The following PCDHGA5 variants were observed in gnomAD, a reference collection of about 807,000 sequenced individuals.
The protein encoded by PCDHGA5 is protocadherin gamma-A5.
In PCDHGA5, 36 loss-of-function variants were observed where a neutral mutation model predicts 56.7. The observed-to-expected ratio is 0.64, with a 90% CI of 0.49 to 0.84. The LOEUF (loss-of-function observed/expected upper bound fraction) is 0.84. Among genes scored for constraint, PCDHGA5 ranks in the 40% least tolerant of loss-of-function variants. The probability of loss-of-function intolerance (pLI) is 0.00; values close to 1 mark genes in which losing one functional copy is unlikely to be tolerated. For synonymous variants in PCDHGA5, 563 were observed against 520.2 expected (o/e 1.08, Z -1.12); for missense variants, 1,305 against 1,201.5 (o/e 1.09, Z -1.27).
intron 1 of PCDHGA5, among the ~76,000 whole-genome samples, chr5:141,448,106 A>G (rs1308837314): frequency 1.3e-5 from 2 of 151,996 alleles, no homozygotes. Context: ...AAATTAAAAG[A>G]AAAGAAAATT....
intron 1 of PCDHGA5, chr5:141,394,949 G>A (rs761514870): frequency 1.9e-6 from 3 of 1,613,906 alleles, no homozygotes; most frequent in Non-Finnish European, 1.7e-6. Flanking sequence ...CTGTGCTTCT[G>A]GGGCTCAGGC....
At chr5:141,465,150 G>A (rs192648619) in intron 1 of PCDHGA5, among the ~76,000 whole-genome samples, 474 of 151,492 alleles carry the variant, frequency 3.1e-3, no homozygotes, top group Middle Eastern at 0.024. Context: ...GATATATGAA[G>A]GGACTCTAAA....
chr5:141,409,082 T>C (rs1332697516), intron 1 of PCDHGA5: 6 of 1,613,878 alleles, frequency 3.7e-6, no homozygotes, highest in African/African-American at 1.3e-5. Context: ...TATGTTCTCA[T>C]TGGATGAGAA....
chr5:141,491,982 T>G lies in PCDHGA5; in HGVS notation c.2422-2825T>G. On this transcript the variant is annotated intron_variant, in intron 1 of 3. Coordinates refer to ENST00000518069, the MANE Select transcript of PCDHGA5 (RefSeq NM_018918.3). This position sits in a 1 kb window ranked among gnomAD's most constrained non-coding sequence, Gnocchi z 6.9. Reference sequence around the variant, plus strand: ...AAAAGGCCGGGGCCTCCTTCGAGCTTCCGGTGAATTTCGGGCGATTTCCGC... The same window carrying G: ...AAAAGGCCGGGGCCTCCTTCGAGCTGCCGGTGAATTTCGGGCGATTTCCGC... The G allele has an allele frequency of 2.6e-6, 2 of 759,438 alleles. No homozygotes were observed. Among genetic ancestry groups the G allele is most frequent in the East Asian group, 3.2e-5 (1 of 31,728 alleles). The allele number at this position is 759,438 out of a possible 1,614,324, so 47.0% of individuals were successfully genotyped here. A position where few individuals can be genotyped will look rare whatever the true frequency, so the allele number is the denominator to read the frequency against.
intron 1 of PCDHGA5, among the ~76,000 whole-genome samples, chr5:141,451,854 C>T (rs1243479409): frequency 6.6e-6 from 1 of 152,058 alleles, no homozygotes; most frequent in Non-Finnish European, 1.5e-5. Flanking sequence ...CCACTCCAGC[C>T]TAGGCCACAG....
chr5:141,478,612 G>A (rs1311028260), intron 1 of PCDHGA5: 2 of 1,558,218 alleles, frequency 1.3e-6, no homozygotes, highest in African/African-American at 1.4e-5. Flanking sequence ...TATTGAGGAA[G>A]GAATGGAGCT....
intron 2 of PCDHGA5, among the ~76,000 whole-genome samples, chr5:141,498,112 AG>A (rs947089103): frequency 2.0e-5 from 3 of 152,232 alleles, no homozygotes; most frequent in African/African-American, 7.2e-5. Flanking sequence ...GGCGTATAAT[AG>A]GGATTTGATT....
chr5:141,452,830 T>A (rs2098749929), intron 1 of PCDHGA5, among the ~76,000 whole-genome samples: 1 of 152,166 alleles, frequency 6.6e-6, no homozygotes, highest in South Asian at 2.1e-4. Context: ...CAAAATCACT[T>A]GGTCCAGCCC....
Position 141,370,001 on chromosome 5 carries a change from T to G in PCDHGA5, c.2421+3250T>G, listed in dbSNP as rs371025652. Among the ~76,000 whole-genome samples the G allele has an allele frequency of 8.5e-5, 13 of 152,322 alleles. No homozygotes were observed. The South Asian group carries it at 2.5e-3, about 29-fold the overall frequency. On this transcript the variant is annotated intron_variant, in intron 1 of 3. Transcript: ENST00000518069. ...TGATTTGGATGGATAAAGCTCAAATTAAAAGAAATAACAGACTAAAGATAT... is the reference window on the plus strand; with the variant it reads ...TGATTTGGATGGATAAAGCTCAAATGAAAAGAAATAACAGACTAAAGATAT...
chr5:141,479,710 T>C (rs901198074), intron 1 of PCDHGA5: 1 of 152,264 alleles, frequency 6.6e-6, no homozygotes, highest in African/African-American at 2.4e-5. Flanking sequence ...GTCCCTGTCC[T>C]TCCAGCCTTA....
chr5:141,366,725 GCAAA>G lies in PCDHGA5; in HGVS notation c.2400_2403del (p.Asn800LysfsTer50), dbSNP rs1561539069. 1 of 1,613,584 alleles carries G rather than the reference GCAAA, an allele frequency of 6.2e-7. No homozygotes were observed. The highest frequency in any genetic ancestry group is 2.2e-5 in the East Asian group (1 of 44,874). ...TCTTCTGATGTCTGATAAGGTAGAT[GCAAA>G]CAAAGAAGAACGGCGAGTTCAGGTT... On this transcript the variant is annotated frameshift_variant, in exon 1 of 4. Coordinates refer to ENST00000518069, the MANE Select transcript of PCDHGA5 (RefSeq NM_018918.3). LOFTEE classifies it high-confidence loss of function.
At chr5:141,434,199 T>G (rs1406339464) in intron 1 of PCDHGA5, among the ~76,000 whole-genome samples, 1 of 151,914 alleles carries the variant, frequency 6.6e-6, no homozygotes, top group Non-Finnish European at 1.5e-5. Context: ...CCAATGTACT[T>G]ACTTCTGTCA....
chr5:141,490,811 A>G lies in PCDHGA5; in HGVS notation c.2422-3996A>G, dbSNP rs750702067. The G allele has an allele frequency of 1.2e-6, 2 of 1,613,918 alleles. No homozygotes were observed. The highest frequency in any genetic ancestry group is 8.5e-7 in the Non-Finnish European group (1 of 1,179,884). On this transcript the variant is annotated intron_variant, in intron 1 of 3. Coordinates refer to ENST00000518069, the MANE Select transcript of PCDHGA5 (RefSeq NM_018918.3). This position sits in a 1 kb window ranked among gnomAD's most constrained non-coding sequence, Gnocchi z 5.4. ...ATCTTTGCCCAGCGTACCTTTGACTATGAATTGCTGCAGATGCTGCAGATT... is the reference window on the plus strand; with the variant it reads ...ATCTTTGCCCAGCGTACCTTTGACTGTGAATTGCTGCAGATGCTGCAGATT...
intron 1 of PCDHGA5, chr5:141,420,929 G>A (rs1321290902): frequency 1.4e-5 from 5 of 362,196 alleles, no homozygotes; most frequent in Non-Finnish European, 2.5e-5. Flanking sequence ...AAAGGTGAGC[G>A]TAATCATTTC....
chr5:141,376,297 G>A (rs1283407370), intron 1 of PCDHGA5: 4 of 1,614,068 alleles, frequency 2.5e-6, no homozygotes, highest in Admixed American at 3.3e-5. Flanking sequence ...TGCCCGGCTC[G>A]CACTTTGTGG....
At chr5:141,383,385 G>T (rs1779091849) in intron 1 of PCDHGA5, 4 of 1,613,960 alleles carry the variant, frequency 2.5e-6, no homozygotes, top group Non-Finnish European at 3.4e-6. Context: ...ATCCAGATGT[G>T]GGCACGAACT....
In PCDHGA5 at chr5:141,486,329, A is replaced by C. The variant is rs1045072240; in HGVS notation, c.2422-8478A>C. 1.2e-6 allele frequency: 2 copies of C among 1,613,882 alleles called. No individual in the cohort carries two copies. Among genetic ancestry groups the C allele is most frequent in the African/African-American group, 2.7e-5 (2 of 74,866 alleles). ...AGACTCAGGGTCAAACGGAGATGTG[A>C]GCCTCCGCATTCCTGACCACTTGCC... On this transcript the variant is annotated intron_variant, in intron 1 of 3. Transcript: ENST00000518069. The surrounding 1 kb of genome is among the most constrained non-coding windows in gnomAD (Gnocchi z 5.0).
chr5:141,415,648 A>G (rs1403877896), intron 1 of PCDHGA5: 1 of 1,598,772 alleles, frequency 6.3e-7, no homozygotes, highest in African/African-American at 1.4e-5. Flanking sequence ...TGTTAAAAAA[A>G]AAAAGATTGG....
chr5:141,481,924 A>G (rs1189494301), intron 1 of PCDHGA5, among the ~76,000 whole-genome samples: 1 of 151,648 alleles, frequency 6.6e-6, no homozygotes, highest in Non-Finnish European at 1.5e-5. Context: ...AAAAAAAAAA[A>G]AAAAAAAAAA....
Sources: gnomAD v4.1 joint callset for allele counts (sites outside exome capture counted in the v4.1 genomes callset) on GRCh38, gnomAD v4.1.1 for gene constraint, Gnocchi (gnomAD v3.1) non-coding constraint, MANE v1.5 for transcripts, NCBI Gene and HGNC (gene_info 2026-07-23, HGNC 2026-07-21) for gene names.